The following WWOX variants were observed in gnomAD, a reference collection of about 807,000 sequenced individuals.
The protein encoded by WWOX is WW domain containing oxidoreductase.
Under a neutral mutation model 46.2 loss-of-function variants are expected in WWOX, and 69 were observed. That is an observed-to-expected ratio of 1.49 (90% CI 1.23 to 1.82). The LOEUF is 1.82. WWOX is among the 40% of genes most tolerant of loss of function. WWOX has a pLI of 0.00. For missense variants in WWOX, 919 were observed against 542.6 expected (o/e 1.69, Z -6.89); for synonymous variants, 359 against 202.6 (o/e 1.77, Z -6.56).
rs372210893 is a variant in WWOX at position 78,432,569 on chromosome 16, G to A, written c.873G>A (p.Leu291=). The A allele has an allele frequency of 3.1e-6, 5 of 1,614,038 alleles. No individual in the cohort carries two copies. Among genetic ancestry groups the A allele is most frequent in the African/African-American group, 2.7e-5 (2 of 74,918 alleles). The change falls in exon 8 of 9, where the codon CTG becomes CTA. Residue 291 remains leucine (L), a synonymous_variant. Coordinates refer to ENST00000566780, the MANE Select transcript of WWOX (RefSeq NM_016373.4). ...SPTKNDYWAM[L]AYNRSKLCNI... is the part of the protein sequence containing the mutation. ...CAAAAAACGACTATTGGGCGATGCT[G>A]GCTTATAACAGGTCCAAGCTCTGCA...
At chr16:78,932,447 C>T (rs1227768305) in intron 8 of WWOX, among the ~76,000 whole-genome samples, 1 of 152,166 alleles carries the variant, frequency 6.6e-6, no homozygotes, top group Non-Finnish European at 1.5e-5. Flanking sequence ...TTCACTTTGC[C>T]CCTCAAAATG....
At chr16:78,275,681 G>A (rs1257440362) in intron 5 of WWOX, among the ~76,000 whole-genome samples, 1 of 152,230 alleles carries the variant, frequency 6.6e-6, no homozygotes, top group Non-Finnish European at 1.5e-5. Context: ...GGTGGAGAAG[G>A]GAGGAGGGAG....
At chr16:78,612,618 T>G (rs1299366544) in intron 8 of WWOX, among the ~76,000 whole-genome samples, 2 of 152,136 alleles carry the variant, frequency 1.3e-5, no homozygotes, top group Non-Finnish European at 2.9e-5. Context: ...ACTACAGTTG[T>G]GCACTACCAC....
chr16:79,136,800 A>G (rs1271732744), intron 8 of WWOX, among the ~76,000 whole-genome samples: 5 of 152,226 alleles, frequency 3.3e-5, no homozygotes, highest in East Asian at 3.9e-4. Flanking sequence ...GGCACATGCC[A>G]TGTACATGCC....
rs1295974111 is a variant in WWOX, at chr16:78,337,975, T to C, written c.517-48885T>C. Among the ~76,000 whole-genome samples the C allele has an allele frequency of 6.7e-5, 8 of 120,228 alleles. 1 individual carries two copies. The highest frequency in any genetic ancestry group is 6.5e-4 in the Admixed American group (8 of 12,242). The allele number at this position is 120,228 out of a possible 152,430, so 78.9% of individuals were successfully genotyped here. A position where few individuals can be genotyped will look rare whatever the true frequency, so the allele number is the denominator to read the frequency against. ...CAGTAAGAGACCTCACAAGATGCTTTATCAGGTCACTTGGCAACCAAGCTG... is the reference window on the plus strand; with the variant it reads ...CAGTAAGAGACCTCACAAGATGCTTCATCAGGTCACTTGGCAACCAAGCTG... On this transcript the variant is annotated intron_variant, in intron 5 of 8. Coordinates refer to ENST00000566780, the MANE Select transcript of WWOX (RefSeq NM_016373.4).
At chr16:78,410,635 C>A (rs181433247) in intron 6 of WWOX, among the ~76,000 whole-genome samples, 1 of 151,462 alleles carries the variant, frequency 6.6e-6, no homozygotes, top group African/African-American at 2.4e-5. Flanking sequence ...CATGGTGAAA[C>A]GCCATACTAA....
chr16:78,336,495 G>C (rs1052367521), intron 5 of WWOX, among the ~76,000 whole-genome samples: 1 of 109,274 alleles, frequency 9.2e-6, no homozygotes, highest in Admixed American at 1.3e-4. Flanking sequence ...TTCAGAGAGA[G>C]ACTATGTCTC....
chr16:78,461,158 A>G (rs1392814441), intron 8 of WWOX, among the ~76,000 whole-genome samples: 1 of 152,200 alleles, frequency 6.6e-6, no homozygotes, highest in African/African-American at 2.4e-5. Flanking sequence ...AATTGTGGAT[A>G]CAGATTTCAC....
intron 8 of WWOX, among the ~76,000 whole-genome samples, chr16:78,936,702 G>A (rs1158684060): frequency 7.9e-5 from 12 of 151,890 alleles, no homozygotes; most frequent in Admixed American, 7.2e-4. Context: ...AGAGATTTCT[G>A]ACAACAGCTC....
chr16:78,927,302 T>C (rs2045520908), intron 8 of WWOX, among the ~76,000 whole-genome samples: 4 of 152,242 alleles, frequency 2.6e-5, no homozygotes, highest in Admixed American at 2.6e-4. Context: ...CAGAGCCTGC[T>C]CTTGGTCCAC....
intron 4 of WWOX, among the ~76,000 whole-genome samples, chr16:78,156,390 G>A (rs1024972165): frequency 2.6e-5 from 4 of 152,186 alleles, no homozygotes; most frequent in Non-Finnish European, 2.9e-5. Context: ...ACAGTGAGCA[G>A]TATCTTTGCA....
intron 5 of WWOX, among the ~76,000 whole-genome samples, chr16:78,363,576 G>A (rs896931276): frequency 6.6e-6 from 1 of 152,106 alleles, no homozygotes. Context: ...ACTGTCCCAG[G>A]CCAGTTTTAA....
intron 5 of WWOX, among the ~76,000 whole-genome samples, chr16:78,337,220 G>C (rs930942120): frequency 2.0e-5 from 3 of 152,174 alleles, no homozygotes; most frequent in African/African-American, 7.2e-5. Flanking sequence ...TCAATGTGTT[G>C]ACCAAGAGTG....
rs768105688 is a variant in WWOX at position 79,196,127 on chromosome 16, C to T, written c.1057-15481C>T. Among the ~76,000 whole-genome samples, 8 of 152,212 alleles carry T rather than the reference C, an allele frequency of 5.3e-5. 1 individual carries two copies. The highest frequency in any genetic ancestry group is 1.0e-4 in the Non-Finnish European group (7 of 68,038). On this transcript the variant is annotated intron_variant, in intron 8 of 8. Coordinates refer to ENST00000566780, the MANE Select transcript of WWOX (RefSeq NM_016373.4). ...AGGTTTGGCACCTCTGATAAAGTTA[C>T]AGAAGTGCAGTGTGAGCAAAAATCA...
At position 79,054,281 on chromosome 16, in the gene WWOX, A is replaced by G. The variant is rs189151905; in HGVS notation, c.1057-157327A>G. ...CTATACGATAGCTACTTAAATCGCTATTGTTTTAGTTAGGCCCGCAAAACA... is the reference window on the plus strand; with the variant it reads ...CTATACGATAGCTACTTAAATCGCTGTTGTTTTAGTTAGGCCCGCAAAACA... On this transcript the variant is annotated intron_variant, in intron 8 of 8. Coordinates refer to ENST00000566780, the MANE Select transcript of WWOX (RefSeq NM_016373.4). Among the ~76,000 whole-genome samples, 6 of 152,318 alleles carry G rather than the reference A, an allele frequency of 3.9e-5. No homozygotes were observed. In the South Asian group the frequency reaches 6.2e-4, roughly 16 times the overall value.
rs62034050 is a variant in WWOX at position 78,251,893 on chromosome 16, T to C, written c.516+87604T>C. Among the ~76,000 whole-genome samples the C allele has an allele frequency of 6.7e-3, 1,028 of 152,358 alleles. 15 individuals carry two copies. The highest frequency in any genetic ancestry group is 0.052 in the South Asian group (249 of 4,828). On this transcript the variant is annotated intron_variant, in intron 5 of 8. Coordinates refer to ENST00000566780, the MANE Select transcript of WWOX (RefSeq NM_016373.4). ...ATGTGTGGATTTCATTTATCCATGCTATCTCTTCCCTCCATTAGCATGGTT... is the reference window on the plus strand; with the variant it reads ...ATGTGTGGATTTCATTTATCCATGCCATCTCTTCCCTCCATTAGCATGGTT...
At chr16:78,777,437 T>A (rs1008049745) in intron 8 of WWOX, among the ~76,000 whole-genome samples, 2 of 152,220 alleles carry the variant, frequency 1.3e-5, no homozygotes, top group Admixed American at 1.3e-4. Context: ...AAGTAGCTGA[T>A]GTGTCTAGTG....
chr16:79,167,005 A>G (rs1226613032), intron 8 of WWOX, among the ~76,000 whole-genome samples: 1 of 151,984 alleles, frequency 6.6e-6, no homozygotes, highest in Non-Finnish European at 1.5e-5. Context: ...GCATGGCCTG[A>G]TCTCTACTCT....
intron 8 of WWOX, among the ~76,000 whole-genome samples, chr16:79,179,819 T>G (rs980541630): frequency 3.3e-5 from 5 of 152,354 alleles, no homozygotes. Context: ...ATAAGCTGTT[T>G]TTAAACATTT....
Sources: gnomAD v4.1 joint callset for allele counts (sites outside exome capture counted in the v4.1 genomes callset) on GRCh38, gnomAD v4.1.1 for gene constraint, MANE v1.5 for transcripts, NCBI Gene and HGNC (gene_info 2026-07-23, HGNC 2026-07-21) for gene names.